Variants in LVRN observed in about 807,000 individuals in gnomAD.
The protein encoded by LVRN is laeverin.
In LVRN, 99 loss-of-function variants were observed where a neutral mutation model predicts 111.4. The observed-to-expected ratio is 0.89, with a 90% CI of 0.76 to 1.05. LVRN has a LOEUF of 1.05. Ranked by LOEUF, LVRN falls within the 50% of genes least tolerant of loss-of-function variation. The pLI, the probability that LVRN is intolerant of heterozygous loss-of-function variation, is 0.00. For synonymous variants in LVRN, 488 were observed against 449.5 expected, an observed-to-expected ratio of 1.09 and a Z score of -1.08; for missense variants, 1,414 against 1,206.8, an observed-to-expected ratio of 1.17 and a Z score of -2.54.
rs751209626 is a variant in LVRN, at chr5:115,962,883, C to T, written c.266C>T (p.Pro89Leu). ...AVTTTPSNWR[P>L]PGPWDQLRLP... ...ACGACCACCCCGAGCAACTGGCGAC[C>T]CCCGGGGCCCTGGGACCAGCTACGC... is the stretch of plus-strand genomic sequence containing the variant. The change falls in exon 1 of 20, where the codon CCC (proline) becomes CTC (leucine). Residue 89 changes from proline to leucine, a missense_variant. Coordinates refer to ENST00000357872, the MANE Select transcript of LVRN (RefSeq NM_173800.5). The T allele has an allele frequency of 3.7e-6, 6 of 1,613,164 alleles. No individual in the cohort carries two copies. Among genetic ancestry groups the T allele is most frequent in the Non-Finnish European group, 5.1e-6 (6 of 1,179,808 alleles).
chr5:115,987,817 G>T lies in LVRN; in HGVS notation c.983G>T (p.Arg328Leu). Reference sequence around the variant, plus strand: ...TGCTTAACTGTTTTGATTTAGATACGCATCTGGGCCCGGAAAGATGCAATT... The same window carrying T: ...TGCTTAACTGTTTTGATTTAGATACTCATCTGGGCCCGGAAAGATGCAATT... The part of the protein sequence containing the change: ...VNRTERGKEI[R>L]IWARKDAIAN... Residue 328 changes from arginine to leucine, a missense_variant, in exon 4 of 20, where the codon CGC becomes CTC. Transcript: ENST00000357872. 1.2e-6 allele frequency: 2 copies of T among 1,610,666 alleles called. No homozygotes were observed. The highest frequency in any genetic ancestry group is 1.7e-6 in the Non-Finnish European group (2 of 1,178,802).
In LVRN at chr5:116,015,613, A is replaced by G. The variant is rs201538106; in HGVS notation, c.2619-15A>G. The G allele has an allele frequency of 6.3e-7, 1 of 1,580,406 alleles. No individual in the cohort carries two copies. Among genetic ancestry groups the G allele is most frequent in the East Asian group, 2.3e-5 (1 of 44,358 alleles). ...GGATGTTTAAAATGTATTTTTTGAAAATGCACTTTTGCAGATATATGGAGT... is the reference window on the plus strand; with the variant it reads ...GGATGTTTAAAATGTATTTTTTGAAGATGCACTTTTGCAGATATATGGAGT... On this transcript the variant is annotated splice_polypyrimidine_tract_variant and intron_variant, in intron 17 of 19. Transcript: ENST00000357872.
At chr5:115,996,122 G>T (rs1199716936) in intron 6 of LVRN, among the ~76,000 whole-genome samples, 1 of 152,150 alleles carries the variant, frequency 6.6e-6, no homozygotes, top group Non-Finnish European at 1.5e-5. Flanking sequence ...TTTGAAAGCA[G>T]TTGGGTATGT....
chr5:115,967,222 C>G (rs1753222301), intron 1 of LVRN, among the ~76,000 whole-genome samples: 1 of 152,162 alleles, frequency 6.6e-6, no homozygotes. Context: ...CCTGAGAACT[C>G]TTCACCAAGC....
chr5:116,004,692 T>C (rs11949671), intron 12 of LVRN, among the ~76,000 whole-genome samples: 25,218 of 152,126 alleles, frequency 0.17, 2,336 homozygotes, highest in East Asian at 0.41. Flanking sequence ...AGTCTCTTCC[T>C]AACAGAAAGA....
chr5:116,018,295 A>G (rs1295847050), intron 18 of LVRN, among the ~76,000 whole-genome samples: 4 of 152,130 alleles, frequency 2.6e-5, no homozygotes, highest in African/African-American at 9.7e-5. Flanking sequence ...ACTTTCTCCT[A>G]AGTAAGAAAA....
In LVRN at chr5:116,012,453, A is replaced by G. The variant is rs1035488507; in HGVS notation, c.2327A>G (p.Asp776Gly). 1.9e-6 allele frequency: 3 copies of G among 1,542,702 alleles called. No homozygotes were observed. Among genetic ancestry groups the G allele is most frequent in the Non-Finnish European group, 2.7e-6 (3 of 1,123,412 alleles). The part of the protein sequence containing the change: ...IIRENVLALQ[D>G]DYLALISLEK... ...CGTGAAAATGTGTTGGCATTACAAG[A>G]TGACTACTTAGCTCTGTAAGTATGT... The change falls in exon 15 of 20, where the codon GAT (aspartate) becomes GGT (glycine). Residue 776 changes from aspartate to glycine, a missense_variant. Coordinates refer to ENST00000357872, the MANE Select transcript of LVRN (RefSeq NM_173800.5).
chr5:115,964,887 C>G (rs1164941060), intron 1 of LVRN, among the ~76,000 whole-genome samples: 1 of 152,180 alleles, frequency 6.6e-6, no homozygotes, highest in Non-Finnish European at 1.5e-5. Flanking sequence ...CCCTTTGGGT[C>G]TCTGCTTCTG....
At chr5:116,017,807 A>T (rs1748633861) in intron 18 of LVRN, among the ~76,000 whole-genome samples, 1 of 152,238 alleles carries the variant, frequency 6.6e-6, no homozygotes, top group African/African-American at 2.4e-5. Context: ...TCTTACTGAG[A>T]TAATATGATG....
chr5:115,999,670 A>G (rs1036082076), intron 6 of LVRN, 92 bp from the exon 7 acceptor site: 2 of 1,376,198 alleles, frequency 1.5e-6, no homozygotes, highest in African/African-American at 1.5e-5. Flanking sequence ...CTCCCTCTTC[A>G]ATATCAGTTT....
At chr5:115,984,494 T>C (rs772428202) in intron 2 of LVRN, 76 bp from the exon 3 acceptor site, 122 of 1,531,658 alleles carry the variant, frequency 8.0e-5, no homozygotes, top group East Asian at 1.4e-4. Context: ...TGGGTGACAA[T>C]TGACTTGACA....
intron 18 of LVRN, among the ~76,000 whole-genome samples, chr5:116,019,266 A>T (rs774450155): frequency 3.3e-5 from 5 of 152,194 alleles, no homozygotes; most frequent in Non-Finnish European, 5.9e-5. Context: ...ACAATGTTAC[A>T]ATGACTATGA....
intron 12 of LVRN, among the ~76,000 whole-genome samples, chr5:116,005,633 A>AT (rs1387862156): frequency 6.6e-6 from 1 of 152,128 alleles, no homozygotes; most frequent in Non-Finnish European, 1.5e-5. Flanking sequence ...TGCCTGTTTT[A>AT]TTTTTTAACA....
At chr5:115,997,166 A>C (rs1053748773) in intron 6 of LVRN, among the ~76,000 whole-genome samples, 1 of 152,118 alleles carries the variant, frequency 6.6e-6, no homozygotes, top group Non-Finnish European at 1.5e-5. Flanking sequence ...TAATCCATTG[A>C]GGACATTGTT....
intron 14 of LVRN, among the ~76,000 whole-genome samples, chr5:116,011,100 G>A (rs1467977720): frequency 5.6e-5 from 6 of 107,442 alleles, no homozygotes; most frequent in Admixed American, 2.1e-4. Context: ...ACCTGGTCTA[G>A]GAGATGAGTG....
At chr5:115,990,815 G>C (rs557552369) in intron 4 of LVRN, among the ~76,000 whole-genome samples, 1 of 152,012 alleles carries the variant, frequency 6.6e-6, no homozygotes, top group African/African-American at 2.4e-5. Context: ...CAAGTGATCC[G>C]TCCGCCTAGC....
intron 5 of LVRN, 60 bp downstream of exon 5, chr5:115,992,337 A>C: frequency 6.3e-7 from 1 of 1,585,622 alleles, no homozygotes; most frequent in South Asian, 1.1e-5. Flanking sequence ...GCGCTACCAA[A>C]ATAGCATAAA....
In LVRN at chr5:116,012,466, T is replaced by A; in HGVS notation, c.2340T>A (p.Ala780=). Residue 780 remains alanine (A), a splice_region_variant and synonymous_variant, in exon 15 of 20, where the codon GCT becomes GCA. Transcript: ENST00000357872. The part of the protein sequence containing the change: ...NVLALQDDYL[A]LISLEKLFVT... ...TGGCATTACAAGATGACTACTTAGC[T>A]CTGTAAGTATGTTTTCAGAAGTGAT... The A allele has an allele frequency of 6.6e-7, 1 of 1,514,124 alleles. No individual in the cohort carries two copies. 93.8% of individuals were successfully genotyped at this position (1,514,124 alleles called of 1,614,324 possible).
rs140190850 is a variant in LVRN at position 116,012,444 on chromosome 5, C to T, written c.2318C>T (p.Ala773Val). The T allele has an allele frequency of 6.5e-7, 1 of 1,546,224 alleles. No homozygotes were observed. The highest frequency in any genetic ancestry group is 1.2e-5 in the South Asian group (1 of 86,720). Residue 773 changes from alanine to valine, a missense_variant, in exon 15 of 20, where the codon GCA becomes GTA. Physicochemically the swap from Ala to Val is moderately conservative, Grantham distance 64. Coordinates refer to ENST00000357872, the MANE Select transcript of LVRN (RefSeq NM_173800.5). ...ACTATAATTCGTGAAAATGTGTTGG[C>T]ATTACAAGATGACTACTTAGCTCTG... ...YSTIIRENVLALQDDYLALIS... is the reference protein window; with the variant it reads ...YSTIIRENVLVLQDDYLALIS...
Sources: gnomAD v4.1 joint callset for allele counts (sites outside exome capture counted in the v4.1 genomes callset) on GRCh38, gnomAD v4.1.1 for gene constraint, MANE v1.5 for transcripts, NCBI Gene and HGNC (gene_info 2026-07-23, HGNC 2026-07-21) for gene names.